The following CAMTA1 variants were observed in gnomAD, a reference collection of about 807,000 sequenced individuals.
The protein encoded by CAMTA1 is calmodulin-binding transcription activator 1.
A neutral mutation model predicts 170.9 loss-of-function variants in CAMTA1; 27 were observed. The ratio of observed to expected loss-of-function variants is 0.16; its 90% CI spans 0.12 to 0.22. CAMTA1 has a LOEUF of 0.22. CAMTA1 is among the 10% of genes least tolerant of loss of function. The pLI, the probability that CAMTA1 is intolerant of heterozygous loss-of-function variation, is 1.00. For missense variants in CAMTA1, 1,619 were observed against 2,217.2 expected, an observed-to-expected ratio of 0.73 and a Z score of 5.42; for synonymous variants, 833 against 891.5, an observed-to-expected ratio of 0.93 and a Z score of 1.17.
At chr1:7,212,365 C>T (rs1376149910) in intron 4 of CAMTA1, among the ~76,000 whole-genome samples, 4 of 152,236 alleles carry the variant, frequency 2.6e-5, no homozygotes, top group African/African-American at 9.6e-5. Context: ...GTCACTGCCC[C>T]CATCCCTCCC....
intron 22 of CAMTA1, among the ~76,000 whole-genome samples, chr1:7,758,797 C>T (rs538181072): frequency 5.9e-5 from 9 of 151,684 alleles, no homozygotes; most frequent in East Asian, 1.9e-4. Context: ...TAGCCGGTTG[C>T]GGTGGCGGGC....
rs990214677 is a variant in CAMTA1 at position 7,144,607 on chromosome 1, G to A, written c.302+53236G>A. 1.2e-4 allele frequency among the ~76,000 whole-genome samples: 19 copies of A among 152,084 alleles called. No individual in the cohort carries two copies. The highest frequency in any genetic ancestry group is 1.2e-4 in the African/African-American group (5 of 41,394). ...GGACTTACTCTCATTTTCAGAACTC[G>A]TTACGAGACTTGTTTATACAGATAT... On this transcript the variant is annotated intron_variant, in intron 4 of 22. Coordinates refer to ENST00000303635, the MANE Select transcript of CAMTA1 (RefSeq NM_015215.4). This position sits in a 1 kb window ranked among gnomAD's most constrained non-coding sequence, Gnocchi z 4.0.
At chr1:6,960,100 G>A in intron 3 of CAMTA1, among the ~76,000 whole-genome samples, 1 of 152,184 alleles carries the variant, frequency 6.6e-6, no homozygotes, top group East Asian at 1.9e-4. Flanking sequence ...ATTAAGCTCT[G>A]ACCTTGACTG....
At chr1:7,653,559 CTTTT>C (rs750899581) in intron 7 of CAMTA1, among the ~76,000 whole-genome samples, 12 of 152,148 alleles carry the variant, frequency 7.9e-5, no homozygotes, top group Admixed American at 6.5e-4. Context: ...TGGCCTTGTT[CTTTT>C]TTTCTTTTTG....
chr1:7,742,070 G>A lies in CAMTA1; in HGVS notation c.4183-2765G>A, dbSNP rs147817250. On this transcript the variant is annotated intron_variant, in intron 16 of 22. Transcript: ENST00000303635. ...TAGATAACAGCTATAATAGATAAAC[G>A]AGTATAAAAAGAAAGATAAAAAGTA... Among the ~76,000 whole-genome samples the A allele has an allele frequency of 5.3e-5, 8 of 151,244 alleles. 1 individual carries two copies. In the South Asian group the frequency reaches 6.3e-4, roughly 12 times the overall value.
chr1:7,009,778 G>T (rs1275818498), intron 3 of CAMTA1, among the ~76,000 whole-genome samples: 1 of 152,226 alleles, frequency 6.6e-6, no homozygotes, highest in Non-Finnish European at 1.5e-5. Context: ...GCTTGGACAT[G>T]GGGAGCTGTG....
chr1:7,557,036 G>A (rs542810771), intron 6 of CAMTA1, among the ~76,000 whole-genome samples: 10 of 152,240 alleles, frequency 6.6e-5, no homozygotes, highest in East Asian at 5.8e-4. Flanking sequence ...AGCCAGGCGC[G>A]GTGGCTCACA....
At chr1:7,519,567 T>G (rs1447738607) in intron 6 of CAMTA1, among the ~76,000 whole-genome samples, 1 of 151,826 alleles carries the variant, frequency 6.6e-6, no homozygotes, top group Non-Finnish European at 1.5e-5. Flanking sequence ...CTCACTGAAT[T>G]TCTCCTCCCT....
At chr1:7,149,787 A>G (rs915178531) in intron 4 of CAMTA1, among the ~76,000 whole-genome samples, 12 of 152,172 alleles carry the variant, frequency 7.9e-5, no homozygotes, top group Admixed American at 4.6e-4. Context: ...GAGCTGGGCC[A>G]GAGGTGCCGA....
chr1:7,117,317 T>A (rs778911578), intron 4 of CAMTA1, among the ~76,000 whole-genome samples: 1 of 152,176 alleles, frequency 6.6e-6, no homozygotes, highest in Non-Finnish European at 1.5e-5. Context: ...ATATTTTTTA[T>A]GTAATTACAA....
At chr1:7,705,560 C>CCCGG (rs1558175980) in intron 11 of CAMTA1, among the ~76,000 whole-genome samples, 1 of 150,860 alleles carries the variant, frequency 6.6e-6, no homozygotes, top group Non-Finnish European at 1.5e-5. Flanking sequence ...GGGGGCCCGG[C>CCCGG]CCGGCCGGCG....
rs2093128609 is a variant in CAMTA1, at chr1:7,463,054, T to C, written c.439-4776T>C. On this transcript the variant is annotated intron_variant, in intron 5 of 22. Coordinates refer to ENST00000303635, the MANE Select transcript of CAMTA1 (RefSeq NM_015215.4). This position sits in a 1 kb window ranked among gnomAD's most constrained non-coding sequence, Gnocchi z 4.7. Reference sequence around the variant, plus strand: ...GGGAGGTTGTCCTGGTGAATGGCACTGTGTGCGGCAGAGCCTATAGGTGGG... The same window carrying C: ...GGGAGGTTGTCCTGGTGAATGGCACCGTGTGCGGCAGAGCCTATAGGTGGG... Among the ~76,000 whole-genome samples, 1 of 152,158 alleles carries C rather than the reference T, an allele frequency of 6.6e-6. No individual in the cohort carries two copies. Among genetic ancestry groups the C allele is most frequent in the African/African-American group, 2.4e-5 (1 of 41,440 alleles).
intron 3 of CAMTA1, among the ~76,000 whole-genome samples, chr1:7,033,477 A>G (rs982515420): frequency 4.0e-5 from 6 of 151,132 alleles, no homozygotes; most frequent in Non-Finnish European, 8.8e-5. Flanking sequence ...TCTTCTTATT[A>G]TGAATCATAT....
intron 5 of CAMTA1, among the ~76,000 whole-genome samples, chr1:7,313,823 G>C (rs1335061424): frequency 6.6e-6 from 1 of 152,164 alleles, no homozygotes; most frequent in Admixed American, 6.5e-5. Flanking sequence ...CCTGTGAAAA[G>C]GCTGGAAGGC....
At chr1:7,338,462 A>G (rs1417884028) in intron 5 of CAMTA1, among the ~76,000 whole-genome samples, 2 of 152,190 alleles carry the variant, frequency 1.3e-5, no homozygotes, top group East Asian at 1.9e-4. Context: ...AAAGCCCACC[A>G]TGTACGCAGG....
chr1:7,035,414 T>C (rs941981953), intron 3 of CAMTA1, among the ~76,000 whole-genome samples: 3 of 151,586 alleles, frequency 2.0e-5, no homozygotes, highest in Admixed American at 1.3e-4. Flanking sequence ...AAAAAAAAAA[T>C]CTTATTTTGA....
chr1:7,118,732 C>T (rs1157655614), intron 4 of CAMTA1, among the ~76,000 whole-genome samples: 3 of 152,062 alleles, frequency 2.0e-5, no homozygotes, highest in Non-Finnish European at 4.4e-5. Context: ...TTTGCTTTTG[C>T]AAACATACAC....
At chr1:7,200,961 T>G (rs917604704) in intron 4 of CAMTA1, among the ~76,000 whole-genome samples, 4 of 152,208 alleles carry the variant, frequency 2.6e-5, no homozygotes, top group African/African-American at 9.7e-5. Context: ...TTTTAGTATA[T>G]TCACATAAAT....
At chr1:6,927,743 A>G (rs2149357950) in intron 3 of CAMTA1, among the ~76,000 whole-genome samples, 1 of 152,356 alleles carries the variant, frequency 6.6e-6, no homozygotes, top group South Asian at 2.1e-4. Flanking sequence ...TGTCCGGCAG[A>G]TGTTAAGTAT....
Sources: gnomAD v4.1 joint callset for allele counts (sites outside exome capture counted in the v4.1 genomes callset) on GRCh38, gnomAD v4.1.1 for gene constraint, Gnocchi (gnomAD v3.1) non-coding constraint, MANE v1.5 for transcripts, NCBI Gene and HGNC (gene_info 2026-07-23, HGNC 2026-07-21) for gene names.